Variants in IKZF3 observed in about 807,000 individuals in gnomAD.
The protein encoded by IKZF3 is zinc finger protein Aiolos.
IKZF3 carries 10 observed loss-of-function variants against 49.0 expected under a neutral mutation model. The observed-to-expected ratio is 0.20, with a 90% confidence interval of 0.13 to 0.35. The LOEUF (loss-of-function observed/expected upper bound fraction) is 0.35. Ranked by LOEUF, IKZF3 falls within the 10% of genes least tolerant of loss-of-function variation. The pLI, the probability that IKZF3 is intolerant of heterozygous loss-of-function variation, is 1.00. For missense variants in IKZF3, 498 were observed against 664.8 expected (o/e 0.75, Z 2.76); for synonymous variants, 209 against 228.2 (o/e 0.92, Z 0.76).
At chr17:39,821,899 G>A (rs1275157813) in intron 3 of IKZF3, among the ~76,000 whole-genome samples, 1 of 152,180 alleles carries the variant, frequency 6.6e-6, no homozygotes, top group East Asian at 1.9e-4. Context: ...AAAATGAATT[G>A]TAAGAATAAA....
intron 3 of IKZF3, among the ~76,000 whole-genome samples, chr17:39,811,337 A>C (rs2061553398): frequency 6.6e-6 from 1 of 150,852 alleles, no homozygotes; most frequent in Non-Finnish European, 1.5e-5. Context: ...GAAAGAAAGA[A>C]AGAAAGGGAA....
chr17:39,860,764 T>C (rs2063193798), intron 1 of IKZF3, among the ~76,000 whole-genome samples: 1 of 152,126 alleles, frequency 6.6e-6, no homozygotes, highest in South Asian at 2.1e-4. Context: ...AAACTACCTA[T>C]AGGACACTAT....
intron 3 of IKZF3, among the ~76,000 whole-genome samples, chr17:39,829,097 A>G (rs2062034633): frequency 6.6e-6 from 1 of 152,232 alleles, no homozygotes; most frequent in African/African-American, 2.4e-5. Flanking sequence ...AAAACACCCC[A>G]GACAAACTTT....
intron 1 of IKZF3, among the ~76,000 whole-genome samples, chr17:39,850,761 T>TATAG (rs373142198): frequency 1.6e-5 from 1 of 62,258 alleles, no homozygotes; most frequent in Non-Finnish European, 3.2e-5. Context: ...ATACTATATA[T>TATAG]TATATATAAT....
intron 2 of IKZF3, among the ~76,000 whole-genome samples, chr17:39,830,995 A>G (rs2062093147): frequency 6.6e-6 from 1 of 152,232 alleles, no homozygotes; most frequent in Non-Finnish European, 1.5e-5. Context: ...ACTCTAAGAT[A>G]CCATTCTAAA....
intron 3 of IKZF3, among the ~76,000 whole-genome samples, chr17:39,811,428 G>C (rs559783057): frequency 3.4e-4 from 51 of 150,896 alleles, no homozygotes; most frequent in African/African-American, 1.2e-3. Context: ...GAAAAGGAAG[G>C]AAGGAAAGGA....
chr17:39,769,923 G>A (rs772990323), intron 7 of IKZF3, among the ~76,000 whole-genome samples: 27 of 152,170 alleles, frequency 1.8e-4, no homozygotes, highest in Non-Finnish European at 3.1e-4. Flanking sequence ...AACATTAAGA[G>A]GAAGATAAAC....
intron 3 of IKZF3, among the ~76,000 whole-genome samples, chr17:39,810,063 A>C (rs976277552): frequency 6.6e-6 from 1 of 152,228 alleles, no homozygotes; most frequent in Non-Finnish European, 1.5e-5. Flanking sequence ...ACACATGCCC[A>C]TAAACACGAA....
intron 6 of IKZF3, among the ~76,000 whole-genome samples, chr17:39,786,817 T>C (rs1420619903): frequency 6.6e-6 from 1 of 152,118 alleles, no homozygotes; most frequent in African/African-American, 2.4e-5. Flanking sequence ...TTTATCCAAA[T>C]AAGTTGGATT....
At chr17:39,771,619 CGGT>C (rs143931877) in intron 7 of IKZF3, among the ~76,000 whole-genome samples, 3,033 of 152,212 alleles carry the variant, frequency 0.02, 111 homozygotes, top group African/African-American at 0.07. Flanking sequence ...GTGGTAGTGA[CGGT>C]GGTGGAGACA....
intron 6 of IKZF3, among the ~76,000 whole-genome samples, chr17:39,778,519 TG>T (rs2060648325): frequency 6.6e-6 from 1 of 152,204 alleles, no homozygotes; most frequent in Non-Finnish European, 1.5e-5. Flanking sequence ...AAACTGCCTA[TG>T]GGCTGGGTGC....
chr17:39,805,021 C>A (rs1598062332), intron 3 of IKZF3, among the ~76,000 whole-genome samples: 1 of 152,184 alleles, frequency 6.6e-6, no homozygotes, highest in Non-Finnish European at 1.5e-5. Context: ...GAATTTCCAA[C>A]ACTTATCTCA....
rs71355417 is a variant in IKZF3, at chr17:39,797,425, C to CA, written c.164-4493_164-4492insT. 4.4e-5 allele frequency among the ~76,000 whole-genome samples: 6 copies of CA among 137,500 alleles called. No individual in the cohort carries two copies. In the East Asian group the frequency reaches 1.0e-3, roughly 23 times the overall value. 90.2% of individuals were successfully genotyped at this position (137,500 alleles called of 152,430 possible). ...GCACTCCTATGTCTTTTCTTTCTTT[C>CA]TTTTTTTTTTTTTTTGAGACAGAGT... On this transcript the variant is annotated intron_variant, in intron 3 of 7. Coordinates refer to ENST00000346872, the MANE Select transcript of IKZF3 (RefSeq NM_012481.5).
chr17:39,783,038 C>T (rs2060783623), intron 6 of IKZF3, among the ~76,000 whole-genome samples: 2 of 152,268 alleles, frequency 1.3e-5, no homozygotes, highest in African/African-American at 4.8e-5. Flanking sequence ...ACCTCAAAGT[C>T]ATTGGAGGTT....
chr17:39,858,862 G>A (rs758120551), intron 1 of IKZF3, among the ~76,000 whole-genome samples: 19 of 151,666 alleles, frequency 1.3e-4, no homozygotes, highest in Non-Finnish European at 2.1e-4. Context: ...GTGCAGTGGC[G>A]TCATTACAGC....
chr17:39,804,102 A>G (rs1258213055), intron 3 of IKZF3, among the ~76,000 whole-genome samples: 3 of 152,172 alleles, frequency 2.0e-5, no homozygotes, highest in Non-Finnish European at 4.4e-5. Flanking sequence ...TTTAAATAAT[A>G]TTTGTGTCCC....
At position 39,839,588 on chromosome 17, in the gene IKZF3, A is replaced by T. The variant is rs1222819925; in HGVS notation, c.8-7437T>A. 1.6e-5 allele frequency: 7 copies of T among 448,074 alleles called. No homozygotes were observed. The Admixed American group carries it at 2.3e-4, about 15-fold the overall frequency. 27.8% of individuals were successfully genotyped at this position (448,074 alleles called of 1,614,324 possible). A position where few individuals can be genotyped will look rare whatever the true frequency, so the allele number is the denominator to read the frequency against. On this transcript the variant is annotated intron_variant, in intron 1 of 7. Coordinates refer to ENST00000346872, the MANE Select transcript of IKZF3 (RefSeq NM_012481.5). The stretch of plus-strand genomic sequence containing the variant: ...GAAAGGAAGAGAGGACTGTTTCTTT[A>T]TTTTTATTTTTTTTAGACAGGGTCT...
intron 3 of IKZF3, among the ~76,000 whole-genome samples, chr17:39,828,458 A>C (rs958788624): frequency 6.6e-6 from 1 of 152,210 alleles, no homozygotes; most frequent in Non-Finnish European, 1.5e-5. Context: ...AGAAGGAGGA[A>C]GAGTAGCTGA....
chr17:39,861,557 C>A (rs2063214005), intron 1 of IKZF3, among the ~76,000 whole-genome samples: 1 of 152,116 alleles, frequency 6.6e-6, no homozygotes, highest in African/African-American at 2.4e-5. Context: ...TTTCTTAAAA[C>A]CTTCGCATTT....
Sources: allele counts gnomAD v4.1 joint callset (sites outside exome capture counted in the v4.1 genomes callset), GRCh38; gene constraint gnomAD v4.1.1; transcripts MANE v1.5; gene names NCBI Gene and HGNC (gene_info 2026-07-23, HGNC 2026-07-21).